Variants in PCTP observed in about 807,000 individuals in gnomAD.
PCTP encodes the protein START domain-containing protein 2.
Under a neutral mutation model 31.0 loss-of-function variants are expected in PCTP, and 27 were observed. The ratio of observed to expected loss-of-function variants is 0.87; its 90% CI spans 0.64 to 1.20. PCTP has a LOEUF of 1.20. Among genes scored for constraint, PCTP ranks in the 50% most tolerant of loss-of-function variants. The pLI is 0.00. For missense variants in PCTP, 287 were observed against 268.2 expected (o/e 1.07, Z -0.49); for synonymous variants, 108 against 101.2 (o/e 1.07, Z -0.40).
intron 1 of PCTP, among the ~76,000 whole-genome samples, chr17:55,762,590 G>T (rs897436558): frequency 6.6e-6 from 1 of 152,068 alleles, no homozygotes; most frequent in African/African-American, 2.4e-5. Flanking sequence ...ACAAACAGAG[G>T]CATGTTTATC....
intron 3 of PCTP, among the ~76,000 whole-genome samples, chr17:55,816,098 A>G (rs1365310010): frequency 6.6e-6 from 1 of 152,176 alleles, no homozygotes; most frequent in Non-Finnish European, 1.5e-5. Context: ...CTTTATTGAG[A>G]TATCATTCAC....
chr17:55,825,176 G>A (rs976479889), downstream of PCTP, among the ~76,000 whole-genome samples: 12 of 152,056 alleles, frequency 7.9e-5, no homozygotes, highest in Admixed American at 3.3e-4. Flanking sequence ...CTTCTATGTC[G>A]AGGGCATGGC....
intron 3 of PCTP, among the ~76,000 whole-genome samples, chr17:55,772,659 C>T (rs554667252): frequency 6.6e-6 from 1 of 151,092 alleles, no homozygotes; most frequent in African/African-American, 2.4e-5. Flanking sequence ...TTGTGTTGTG[C>T]GTAGTGACTT....
intron 3 of PCTP, among the ~76,000 whole-genome samples, chr17:55,800,290 G>C (rs62078575): frequency 0.21 from 31,600 of 151,412 alleles, 3,799 homozygotes; most frequent in African/African-American, 0.34. Context: ...TCTTTTTTCT[G>C]TAATCTTGGT....
At chr17:55,755,714 C>T (rs761002993) in intron 1 of PCTP, among the ~76,000 whole-genome samples, 1 of 152,130 alleles carries the variant, frequency 6.6e-6, no homozygotes, top group Non-Finnish European at 1.5e-5. Flanking sequence ...TCTTTGCCTA[C>T]TCTATTTCCT....
At chr17:55,760,712 A>T (rs1438468430) in intron 1 of PCTP, among the ~76,000 whole-genome samples, 2 of 151,216 alleles carry the variant, frequency 1.3e-5, no homozygotes, top group African/African-American at 2.4e-5. Context: ...AGCAGCATCT[A>T]AAAAAAAATA....
chr17:55,826,541 C>A (rs570543603), downstream of PCTP, among the ~76,000 whole-genome samples: 44 of 151,462 alleles, frequency 2.9e-4, no homozygotes, highest in South Asian at 8.8e-3. Flanking sequence ...GAGGAAAGAA[C>A]ACTGAAGTTG....
intron 5 of PCTP, among the ~76,000 whole-genome samples, chr17:55,839,919 CAAAAAA>C (rs57402824): frequency 6.4e-4 from 8 of 12,504 alleles, no homozygotes; most frequent in Admixed American, 2.0e-3. Flanking sequence ...GACTCAGTCT[CAAAAAA>C]AAAAAAAAAA....
intron 3 of PCTP, among the ~76,000 whole-genome samples, chr17:55,809,278 C>G (rs895431560): frequency 9.9e-5 from 15 of 152,114 alleles, no homozygotes; most frequent in African/African-American, 2.9e-4. Flanking sequence ...ATTGAGTTGA[C>G]TTATTTTTCC....
At position 55,822,863 on chromosome 17, in the gene PCTP, G is replaced by A. The variant is rs1598018025; in HGVS notation, c.420G>A (p.Lys140=). ...ATAGATTGAGTGGAAGGAAGAGGAA[G>A]GACATAAAGATAAAGACATGAGAAA... Residue 140 remains lysine, a synonymous_variant, in exon 4 of 4, where the codon AAG becomes AAA. Coordinates refer to the PCTP transcript ENST00000572536. 2.5e-6 allele frequency: 3 copies of A among 1,205,664 alleles called. No homozygotes were observed. In the East Asian group the frequency reaches 9.5e-5, roughly 38 times the overall value. The allele number at this position is 1,205,664 out of a possible 1,614,324, so 74.7% of individuals were successfully genotyped here. A position where few individuals can be genotyped will look rare whatever the true frequency, so the allele number is the denominator to read the frequency against.
At chr17:55,766,141 CCTGAATTTAAGAT>C in intron 1 of PCTP, among the ~76,000 whole-genome samples, 1 of 152,252 alleles carries the variant, frequency 6.6e-6, no homozygotes, top group East Asian at 1.9e-4. Flanking sequence ...CTGCTGCCTA[CCTGAATTTAAGAT>C]CTCTGAGAGC....
intron 3 of PCTP, among the ~76,000 whole-genome samples, chr17:55,792,998 T>A (rs1478089507): frequency 6.6e-6 from 1 of 151,986 alleles, no homozygotes; most frequent in Non-Finnish European, 1.5e-5. Flanking sequence ...CAAAAACGCA[T>A]CTCCCCATGC....
At chr17:55,751,770 A>T (rs964698294) in intron 1 of PCTP, among the ~76,000 whole-genome samples, 2 of 152,148 alleles carry the variant, frequency 1.3e-5, no homozygotes, top group Admixed American at 1.3e-4. Context: ...CTTCCTTCCA[A>T]GTTGCTCTTA....
At chr17:55,764,242 A>G in intron 1 of PCTP, among the ~76,000 whole-genome samples, 1 of 152,214 alleles carries the variant, frequency 6.6e-6, no homozygotes. Context: ...ACACATAAGA[A>G]TTCTTGTTGC....
intron 3 of PCTP, among the ~76,000 whole-genome samples, chr17:55,802,471 A>G (rs960982895): frequency 5.9e-5 from 9 of 152,218 alleles, no homozygotes; most frequent in Admixed American, 1.3e-4. Context: ...AAAATCCTCA[A>G]TAAAATACTG....
intron 1 of PCTP, among the ~76,000 whole-genome samples, chr17:55,766,585 A>G (rs1442899884): frequency 1.3e-5 from 2 of 152,016 alleles, no homozygotes; most frequent in Admixed American, 6.5e-5. Flanking sequence ...TACAAAGGAC[A>G]TGAACTCGTC....
chr17:55,774,711 A>G (rs1911211998), intron 4 of PCTP, 81 bp from the exon 5 acceptor site: 2 of 1,118,276 alleles, frequency 1.8e-6, no homozygotes, highest in Non-Finnish European at 2.7e-6. Flanking sequence ...GAATATGAAG[A>G]TATAAAGTTT....
At chr17:55,809,425 A>G (rs1366744611) in intron 3 of PCTP, among the ~76,000 whole-genome samples, 2 of 152,100 alleles carry the variant, frequency 1.3e-5, no homozygotes, top group African/African-American at 4.8e-5. Context: ...TAACATATTG[A>G]TATCTCAGCT....
intron 5 of PCTP, chr17:55,775,195 T>C (rs538482630): frequency 7.9e-7 from 1 of 1,261,638 alleles, no homozygotes; most frequent in East Asian, 2.8e-5. Flanking sequence ...TTCCTCTGCT[T>C]ACTGGGGAAT....
Sources: gnomAD v4.1 joint callset for allele counts (sites outside exome capture counted in the v4.1 genomes callset) on GRCh38, gnomAD v4.1.1 for gene constraint, MANE v1.5 for transcripts, NCBI Gene and HGNC (gene_info 2026-07-23, HGNC 2026-07-21) for gene names.